Variants in ARL15 observed in about 807,000 individuals in gnomAD.
The protein encoded by ARL15 is ADP-ribosylation factor-like protein 15.
Under a neutral mutation model 25.2 loss-of-function variants are expected in ARL15, and 19 were observed. The observed-to-expected ratio is 0.75, with a 90% confidence interval of 0.53 to 1.10. ARL15 has a LOEUF of 1.10. Ranked by LOEUF, ARL15 falls within the 50% of genes least tolerant of loss-of-function variation. The pLI is 0.00. For missense variants in ARL15, 220 were observed against 246.0 expected, an observed-to-expected ratio of 0.89 and a Z score of 0.71; for synonymous variants, 94 against 86.8, an observed-to-expected ratio of 1.08 and a Z score of -0.46.
At chr5:54,096,664 G>C (rs1752297146) in intron 4 of ARL15, among the ~76,000 whole-genome samples, 1 of 152,156 alleles carries the variant, frequency 6.6e-6, no homozygotes, top group South Asian at 2.1e-4. Flanking sequence ...ATCCACCTTG[G>C]CCTCCCATGT....
chr5:54,196,219 G>T (rs938579230), intron 1 of ARL15, among the ~76,000 whole-genome samples: 3 of 152,066 alleles, frequency 2.0e-5, no homozygotes, highest in Admixed American at 6.6e-5. Flanking sequence ...CAACATAGAT[G>T]AACTTACTAA....
chr5:54,192,069 G>A (rs1032906512), intron 1 of ARL15, among the ~76,000 whole-genome samples: 2 of 151,978 alleles, frequency 1.3e-5, no homozygotes, highest in Non-Finnish European at 2.9e-5. Flanking sequence ...CCTGGCCCAC[G>A]CTTGGTAACA....
intron 4 of ARL15, among the ~76,000 whole-genome samples, chr5:53,919,622 G>A (rs370549529): frequency 7.3e-5 from 11 of 151,624 alleles, no homozygotes; most frequent in African/African-American, 1.5e-4. Context: ...TAAACAGCTC[G>A]GATTAAGGTG....
intron 4 of ARL15, among the ~76,000 whole-genome samples, chr5:54,083,280 A>G (rs748378839): frequency 1.3e-5 from 2 of 152,244 alleles, no homozygotes; most frequent in Admixed American, 6.5e-5. Flanking sequence ...TAGCAAATAC[A>G]TAGTACCACT....
At chr5:54,002,411 G>A (rs961924813) in intron 4 of ARL15, among the ~76,000 whole-genome samples, 1 of 152,138 alleles carries the variant, frequency 6.6e-6, no homozygotes, top group African/African-American at 2.4e-5. Context: ...TTGGGGAGGT[G>A]TCATAAGGGT....
chr5:54,006,629 A>G (rs1749054479), intron 4 of ARL15, among the ~76,000 whole-genome samples: 1 of 152,206 alleles, frequency 6.6e-6, no homozygotes. Context: ...CAGACAAAAT[A>G]AATAACATTT....
chr5:53,910,776 A>C (rs946843718), intron 4 of ARL15, among the ~76,000 whole-genome samples: 3 of 150,988 alleles, frequency 2.0e-5, no homozygotes, highest in Non-Finnish European at 4.4e-5. Flanking sequence ...GTCACAGATC[A>C]TGATTCCCCT....
chr5:53,979,588 A>G (rs1748053833), intron 4 of ARL15, among the ~76,000 whole-genome samples: 2 of 152,094 alleles, frequency 1.3e-5, no homozygotes, highest in African/African-American at 2.4e-5. Flanking sequence ...ATCTCATACT[A>G]TAGCAACCTC....
At chr5:54,212,203 T>C (rs1756061783) in intron 1 of ARL15, among the ~76,000 whole-genome samples, 1 of 152,208 alleles carries the variant, frequency 6.6e-6, no homozygotes, top group Non-Finnish European at 1.5e-5. Flanking sequence ...AGCCAATGGG[T>C]CATAATTTGC....
intron 2 of ARL15, among the ~76,000 whole-genome samples, chr5:54,167,935 T>C (rs1198646686): frequency 3.9e-5 from 6 of 152,176 alleles, no homozygotes; most frequent in Non-Finnish European, 8.8e-5. Context: ...CCACATCCAA[T>C]GGCCTTTCTC....
intron 4 of ARL15, among the ~76,000 whole-genome samples, chr5:53,891,233 G>A (rs1744698898): frequency 6.6e-6 from 1 of 152,160 alleles, no homozygotes; most frequent in African/African-American, 2.4e-5. Context: ...ATTCTGGGGA[G>A]CAGGGGAACA....
intron 4 of ARL15, among the ~76,000 whole-genome samples, chr5:53,962,338 T>C (rs1329386207): frequency 6.6e-6 from 1 of 152,160 alleles, no homozygotes; most frequent in Non-Finnish European, 1.5e-5. Context: ...TACAAGTAAT[T>C]ACCATTAAGT....
At chr5:53,910,373 T>A (rs1180255837) in intron 4 of ARL15, among the ~76,000 whole-genome samples, 1 of 152,058 alleles carries the variant, frequency 6.6e-6, no homozygotes, top group East Asian at 1.9e-4. Context: ...TTTATGGCAT[T>A]TCAATACTAG....
chr5:54,071,971 CAAAAAAAGAAAAAAAAA>C (rs1387982281), intron 4 of ARL15, among the ~76,000 whole-genome samples: 5 of 57,660 alleles, frequency 8.7e-5, no homozygotes, highest in Admixed American at 2.6e-4. Flanking sequence ...GACTCCGTCT[CAAAAAAAGAAAAAAAAA>C]AAAAAAAGAA....
intron 4 of ARL15, among the ~76,000 whole-genome samples, chr5:54,019,218 T>G (rs1749520743): frequency 6.6e-6 from 1 of 152,098 alleles, no homozygotes; most frequent in Admixed American, 6.6e-5. Context: ...CCTAAGTTTG[T>G]CATCTAACAG....
At chr5:54,102,953 C>A (rs1452175520) in intron 4 of ARL15, among the ~76,000 whole-genome samples, 1 of 152,154 alleles carries the variant, frequency 6.6e-6, no homozygotes, top group East Asian at 1.9e-4. Context: ...TGAAAACAAT[C>A]CCAGTTATTT....
intron 1 of ARL15, among the ~76,000 whole-genome samples, chr5:54,198,380 T>C (rs1755617311): frequency 6.6e-6 from 1 of 152,176 alleles, no homozygotes. Context: ...ACGACACAAT[T>C]GGATATCTAG....
At chr5:54,083,439 A>G (rs1182427336) in intron 4 of ARL15, among the ~76,000 whole-genome samples, 1 of 152,190 alleles carries the variant, frequency 6.6e-6, no homozygotes, top group African/African-American at 2.4e-5. Context: ...AACTTATTGC[A>G]GGGATGGTTG....
chr5:53,896,288 C>A (rs974263822), intron 4 of ARL15, among the ~76,000 whole-genome samples: 6 of 152,164 alleles, frequency 3.9e-5, no homozygotes, highest in Non-Finnish European at 7.3e-5. Flanking sequence ...CCTGCCTCGG[C>A]CTCCCAAAGT....
Sources: gnomAD v4.1 joint callset for allele counts (sites outside exome capture counted in the v4.1 genomes callset) on GRCh38, gnomAD v4.1.1 for gene constraint, MANE v1.5 for transcripts, NCBI Gene and HGNC (gene_info 2026-07-23, HGNC 2026-07-21) for gene names.